SYNGR1: variants seen among roughly 807,000 people sequenced by gnomAD.
SYNGR1 encodes synaptogyrin-1.
In SYNGR1, 14 loss-of-function variants were observed where a neutral mutation model predicts 26.1. The observed-to-expected ratio is 0.54, with a 90% CI of 0.35 to 0.84. The LOEUF is 0.84. Ranked by LOEUF, SYNGR1 falls within the 40% of genes least tolerant of loss-of-function variation. The probability of loss-of-function intolerance (pLI) is 0.01; values close to 1 mark genes in which losing one functional copy is unlikely to be tolerated. For synonymous variants in SYNGR1, 141 were observed against 150.1 expected, an observed-to-expected ratio of 0.94 and a Z score of 0.44; for missense variants, 319 against 332.9, an observed-to-expected ratio of 0.96 and a Z score of 0.33.
chr22:39,357,662 G>C (rs1381298617), intron 1 of SYNGR1, among the ~76,000 whole-genome samples: 1 of 12,002 alleles, frequency 8.3e-5, no homozygotes, highest in African/African-American at 2.7e-4. Context: ...CCCCGGACCC[G>C]GGCGTGGGCT....
At chr22:39,352,742 G>A (rs558529351) in intron 1 of SYNGR1, among the ~76,000 whole-genome samples, 4 of 152,196 alleles carry the variant, frequency 2.6e-5, no homozygotes, top group Non-Finnish European at 5.9e-5. Context: ...AGCATTCTGA[G>A]AGGCCCTTAG....
chr22:39,367,652 G>A (rs778397539), intron 1 of SYNGR1, among the ~76,000 whole-genome samples: 3 of 151,916 alleles, frequency 2.0e-5, no homozygotes, highest in East Asian at 1.9e-4. Flanking sequence ...GCACAACCCC[G>A]TCTCTGCTAA....
chr22:39,382,026 C>A lies in SYNGR1; in HGVS notation c.*112C>A. ...AGCGCCTCATCAGCCTCTGCCTTGT[C>A]CCACTGAGGTCCAGGGTAGCTCGGG... On this transcript the variant is annotated 3_prime_UTR_variant, in exon 4 of 4. Transcript: ENST00000328933. 2 of 1,233,548 alleles carry A rather than the reference C, an allele frequency of 1.6e-6. No individual in the cohort carries two copies. The highest frequency in any genetic ancestry group is 1.3e-5 in the South Asian group (1 of 76,754). The allele number at this position is 1,233,548 out of a possible 1,614,324, so 76.4% of individuals were successfully genotyped here. A position where few individuals can be genotyped will look rare whatever the true frequency, so the allele number is the denominator to read the frequency against.
chr22:39,364,365 G>A (rs1924634429), intron 1 of SYNGR1: 11 of 1,611,414 alleles, frequency 6.8e-6, no homozygotes, highest in Middle Eastern at 1.6e-4. Context: ...CCCTGACTGT[G>A]AAATGCTCTA....
chr22:39,377,455 C>T lies in SYNGR1; in HGVS notation c.483+1258C>T, dbSNP rs1391845392. 12 of 1,517,498 alleles carry T rather than the reference C, an allele frequency of 7.9e-6. No homozygotes were observed. The African/African-American group carries it at 1.1e-4, about 14-fold the overall frequency. 94.0% of individuals were successfully genotyped at this position (1,517,498 alleles called of 1,614,324 possible). On this transcript the variant is annotated intron_variant, in intron 3 of 3. Transcript: ENST00000328933. Reference sequence around the variant, plus strand: ...CAGGGAGGAGTTTAGGGGCGGGGCTCACAGAGGAGTAGTGGATGATTTCTA... The same window carrying T: ...CAGGGAGGAGTTTAGGGGCGGGGCTTACAGAGGAGTAGTGGATGATTTCTA...
intron 1 of SYNGR1, among the ~76,000 whole-genome samples, chr22:39,367,570 C>G (rs946491954): frequency 1.3e-5 from 2 of 152,178 alleles, no homozygotes; most frequent in African/African-American, 4.8e-5. Flanking sequence ...CGCCTGTAAC[C>G]CCAGCACTTT....
chr22:39,369,614 C>T (rs1601660480), intron 1 of SYNGR1, among the ~76,000 whole-genome samples: 1 of 152,220 alleles, frequency 6.6e-6, no homozygotes, highest in Non-Finnish European at 1.5e-5. Flanking sequence ...AATCAGGAGA[C>T]CTGGGTTCAA....
Position 39,381,803 on chromosome 22 carries a change from G to A in SYNGR1, c.591G>A (p.Ala197=), listed in dbSNP as rs752968521. ...DPSQDSSMPY[A]PYVEPTGPDP... ...GCCAGGACTCCAGCATGCCTTACGC[G>A]CCCTACGTGGAGCCCACTGGGCCGG... Residue 197 remains alanine (A), a synonymous_variant, in exon 4 of 4, where the codon GCG becomes GCA. Transcript: ENST00000328933. The A allele has an allele frequency of 3.8e-5, 59 of 1,541,232 alleles. 1 individual carries two copies. The Admixed American group carries it at 4.0e-4, about 10-fold the overall frequency.
intron 1 of SYNGR1, among the ~76,000 whole-genome samples, chr22:39,362,660 A>G (rs961005989): frequency 8.5e-5 from 13 of 152,296 alleles, no homozygotes; most frequent in Admixed American, 7.8e-4. Flanking sequence ...CCCAGGAGGC[A>G]GGATGGATGC....
intron 3 of SYNGR1, among the ~76,000 whole-genome samples, chr22:39,376,470 C>G (rs930901600): frequency 3.0e-4 from 46 of 152,300 alleles, no homozygotes; most frequent in Non-Finnish European, 1.6e-4. Flanking sequence ...ACCACCCCCC[C>G]CCCAAACCAC....
chr22:39,353,157 C>T (rs909613537), intron 1 of SYNGR1, among the ~76,000 whole-genome samples: 30 of 152,120 alleles, frequency 2.0e-4, no homozygotes, highest in African/African-American at 6.5e-4. Flanking sequence ...CCACCGCACC[C>T]GGCCTGGACC....
At chr22:39,367,751 A>C (rs1924830389) in intron 1 of SYNGR1, among the ~76,000 whole-genome samples, 1 of 149,534 alleles carries the variant, frequency 6.7e-6, no homozygotes, top group South Asian at 2.1e-4. Context: ...TGAACCCAAG[A>C]GGCAAAGGTT....
In SYNGR1 at chr22:39,384,589, C is replaced by T. The variant is rs1162594614; in HGVS notation, c.*2675C>T. ...CCTGGAAGGTTCATGGGGAAACTCG[C>T]TCCTTCTGTTGGCAGAGGACAGCCC... On this transcript the variant is annotated 3_prime_UTR_variant, in exon 4 of 4. Coordinates refer to ENST00000328933, the MANE Select transcript of SYNGR1 (RefSeq NM_004711.5). 3 of 398,748 alleles carry T rather than the reference C, an allele frequency of 7.5e-6. No homozygotes were observed. Among genetic ancestry groups the T allele is most frequent in the African/African-American group, 4.1e-5 (2 of 48,606 alleles). 24.7% of individuals were successfully genotyped at this position (398,748 alleles called of 1,614,324 possible).
rs1925596928 is a variant in SYNGR1, at chr22:39,384,497, A to C, written c.*2583A>C. ...GGGCTCTGGCAGGGACCTGCCCAGG[A>C]TGGAGATGAGAGAGGGTGAGAGATG... is the stretch of plus-strand genomic sequence containing the variant. On this transcript the variant is annotated 3_prime_UTR_variant, in exon 4 of 4. Coordinates refer to ENST00000328933, the MANE Select transcript of SYNGR1 (RefSeq NM_004711.5). 2 of 398,780 alleles carry C rather than the reference A, an allele frequency of 5.0e-6. No homozygotes were observed. The highest frequency in any genetic ancestry group is 6.3e-4 in the Middle Eastern group (1 of 1,590). The allele number at this position is 398,780 out of a possible 1,614,324, so 24.7% of individuals were successfully genotyped here. A position where few individuals can be genotyped will look rare whatever the true frequency, so the allele number is the denominator to read the frequency against.
chr22:39,351,428 C>T (rs920688336), intron 1 of SYNGR1, among the ~76,000 whole-genome samples: 14 of 152,240 alleles, frequency 9.2e-5, no homozygotes, highest in Non-Finnish European at 1.9e-4. Context: ...GTTCCTTTAA[C>T]CCTTGTGTCG....
In SYNGR1 at chr22:39,363,026, G is replaced by C. The variant is rs184680623; in HGVS notation, c.100-11290G>C. Among the ~76,000 whole-genome samples, 11 of 152,280 alleles carry C rather than the reference G, an allele frequency of 7.2e-5. No homozygotes were observed. In the East Asian group the frequency reaches 1.9e-3, roughly 27 times the overall value. On this transcript the variant is annotated intron_variant, in intron 1 of 3. Transcript: ENST00000328933. Reference sequence around the variant, plus strand: ...CCTTAGATCTGGAGTCTGGTCTGGAGGGCTTCTCTGGGGAGGTGTCTTTTG... The same window carrying C: ...CCTTAGATCTGGAGTCTGGTCTGGACGGCTTCTCTGGGGAGGTGTCTTTTG...
rs1381644695 is a variant in SYNGR1, at chr22:39,383,839, G to C, written c.*1925G>C. 6.6e-6 allele frequency: 1 copy of C among 152,306 alleles called. No homozygotes were observed. Among genetic ancestry groups the C allele is most frequent in the African/African-American group, 2.4e-5 (1 of 41,452 alleles). The allele number at this position is 152,306 out of a possible 1,614,324, so 9.4% of individuals were successfully genotyped here. A position where few individuals can be genotyped will look rare whatever the true frequency, so the allele number is the denominator to read the frequency against. On this transcript the variant is annotated 3_prime_UTR_variant, in exon 4 of 4. Coordinates refer to ENST00000328933, the MANE Select transcript of SYNGR1 (RefSeq NM_004711.5). ...TTAACAGAAGGGAAACTGAGGCTCG[G>C]CAAGCATAGGCGAGTTGGCAGTGGA...
intron 3 of SYNGR1, chr22:39,379,715 ACT>A (rs1925436693): frequency 1.3e-5 from 2 of 151,810 alleles, no homozygotes; most frequent in Non-Finnish European, 2.9e-5. Context: ...AGGTATATTC[ACT>A]CTCTACCTCT....
At chr22:39,372,457 T>C (rs980479843) in intron 1 of SYNGR1, among the ~76,000 whole-genome samples, 2 of 134,180 alleles carry the variant, frequency 1.5e-5, no homozygotes, top group Non-Finnish European at 3.2e-5. Context: ...TTTTTTTTTT[T>C]TTTTTTTTTT....
Sources: allele counts gnomAD v4.1 joint callset (sites outside exome capture counted in the v4.1 genomes callset), GRCh38; gene constraint gnomAD v4.1.1; transcripts MANE v1.5; gene names NCBI Gene and HGNC (gene_info 2026-07-23, HGNC 2026-07-21).